MYT1L: variants seen among roughly 807,000 people sequenced by gnomAD.
The protein encoded by MYT1L is myelin transcription factor 1-like protein.
In MYT1L, 12 loss-of-function variants were observed where a neutral mutation model predicts 126.7. That is an observed-to-expected ratio of 0.09 (90% confidence interval 0.06 to 0.15). MYT1L has a LOEUF of 0.15. Ranked by LOEUF, MYT1L falls within the 10% of genes least tolerant of loss-of-function variation. The pLI, the probability that MYT1L is intolerant of heterozygous loss-of-function variation, is 1.00. For synonymous variants in MYT1L, 541 were observed against 604.2 expected, an observed-to-expected ratio of 0.90 and a Z score of 1.53; for missense variants, 979 against 1,585.2, an observed-to-expected ratio of 0.62 and a Z score of 6.49.
intron 19 of MYT1L, among the ~76,000 whole-genome samples, chr2:1,847,328 CG>C (rs2042635097): frequency 6.6e-6 from 1 of 152,166 alleles, no homozygotes; most frequent in African/African-American, 2.4e-5. Flanking sequence ...ATTCGGGAAC[CG>C]TAGAGGCCAC....
intron 18 of MYT1L, among the ~76,000 whole-genome samples, chr2:1,879,253 C>T (rs1214805683): frequency 6.6e-6 from 1 of 152,204 alleles, no homozygotes; most frequent in Non-Finnish European, 1.5e-5. Flanking sequence ...GGAGCATCTA[C>T]TTTATTTCCA....
intron 5 of MYT1L, among the ~76,000 whole-genome samples, chr2:1,996,166 C>T (rs759647431): frequency 2.6e-5 from 4 of 152,202 alleles, no homozygotes; most frequent in African/African-American, 4.8e-5. Flanking sequence ...GCTAGGAAAC[C>T]GGGCTAGGAG....
In MYT1L at chr2:1,981,129, T is replaced by A. The variant is rs150121027; in HGVS notation, c.1-1352A>T. Among the ~76,000 whole-genome samples the A allele has an allele frequency of 1.2e-4, 18 of 152,232 alleles. No homozygotes were observed. The East Asian group carries it at 3.3e-3, about 28-fold the overall frequency. On this transcript the variant is annotated intron_variant, in intron 5 of 24. Transcript: ENST00000647738. ...CTCAACAGGTACAGTATGAAAGGCA[T>A]CAGAAATCCACATGGACAGTGCCTG...
intron 4 of MYT1L, among the ~76,000 whole-genome samples, chr2:2,050,794 G>A (rs550496489): frequency 3.3e-5 from 5 of 152,150 alleles, no homozygotes; most frequent in Admixed American, 6.5e-5. Flanking sequence ...CTGCTTTGCC[G>A]TGGCGGTGGT....
intron 18 of MYT1L, among the ~76,000 whole-genome samples, chr2:1,868,670 C>A (rs976971320): frequency 3.7e-4 from 57 of 152,282 alleles, no homozygotes; most frequent in African/African-American, 1.4e-3. Flanking sequence ...CTTCTCTGTG[C>A]CCCCCTTCTC....
At chr2:1,906,426 T>C (rs2051067402) in intron 13 of MYT1L, among the ~76,000 whole-genome samples, 1 of 152,234 alleles carries the variant, frequency 6.6e-6, no homozygotes, top group Non-Finnish European at 1.5e-5. Context: ...ATGTAGATAA[T>C]GTCTTTTTAC....
In MYT1L at chr2:1,929,281, T is replaced by C. The variant is rs1231227111; in HGVS notation, c.506-6018A>G. Among the ~76,000 whole-genome samples, 1 of 152,038 alleles carries C rather than the reference T, an allele frequency of 6.6e-6. No homozygotes were observed. Among genetic ancestry groups the C allele is most frequent in the African/African-American group, 2.4e-5 (1 of 41,404 alleles). ...CACAGGACATGGCCTGGCTCCGGGA[T>C]CAGCTATTCTCACTTCCAGCACGAG... On this transcript the variant is annotated intron_variant, in intron 9 of 24. Transcript: ENST00000647738. This position sits in a 1 kb window ranked among gnomAD's most constrained non-coding sequence, Gnocchi z 4.7.
chr2:1,798,702 C>T (rs965743983), intron 23 of MYT1L, among the ~76,000 whole-genome samples: 1 of 152,222 alleles, frequency 6.6e-6, no homozygotes, highest in African/African-American at 2.4e-5. Flanking sequence ...GTGTGCGGGC[C>T]TGAGAGGCAC....
At chr2:1,813,907 G>A (rs1415570507) in intron 21 of MYT1L, among the ~76,000 whole-genome samples, 2 of 122,482 alleles carry the variant, frequency 1.6e-5, no homozygotes, top group Non-Finnish European at 3.4e-5. Context: ...GGCGCCTGTA[G>A]TCCCAGCTAC....
intron 9 of MYT1L, among the ~76,000 whole-genome samples, chr2:1,937,359 A>C (rs975964968): frequency 1.3e-5 from 2 of 151,890 alleles, no homozygotes; most frequent in Non-Finnish European, 2.9e-5. Context: ...CAGATCGCAC[A>C]GCGAGAAGGC....
intron 3 of MYT1L, among the ~76,000 whole-genome samples, chr2:2,121,720 C>G (rs1281119280): frequency 6.6e-6 from 1 of 152,092 alleles, no homozygotes; most frequent in East Asian, 1.9e-4. Context: ...CTGCTGACCT[C>G]GTGATCCGCC....
chr2:1,925,273 T>G (rs937211210), intron 9 of MYT1L, among the ~76,000 whole-genome samples: 1 of 152,174 alleles, frequency 6.6e-6, no homozygotes, highest in African/African-American at 2.4e-5. Context: ...TTGAAAGTGG[T>G]GAACAAGGAA....
At chr2:2,075,047 G>A (rs1252164915) in intron 3 of MYT1L, among the ~76,000 whole-genome samples, 1 of 152,132 alleles carries the variant, frequency 6.6e-6, no homozygotes, top group Non-Finnish European at 1.5e-5. Context: ...ACGGGTAGTA[G>A]AGCTGGGTTT....
chr2:1,835,751 G>A (rs2040794640), intron 21 of MYT1L, among the ~76,000 whole-genome samples: 1 of 152,174 alleles, frequency 6.6e-6, no homozygotes, highest in African/African-American at 2.4e-5. Context: ...CCTCCTTGGA[G>A]GTCGCCGAAG....
At chr2:2,254,086 G>A (rs143407154) in intron 2 of MYT1L, among the ~76,000 whole-genome samples, 164 of 152,250 alleles carry the variant, frequency 1.1e-3, no homozygotes, top group African/African-American at 3.8e-3. Flanking sequence ...TGGCCGTGGC[G>A]TTACTCACAG....
intron 19 of MYT1L, among the ~76,000 whole-genome samples, chr2:1,850,278 T>C (rs2043098538): frequency 6.8e-6 from 1 of 147,170 alleles, no homozygotes; most frequent in South Asian, 2.2e-4. Flanking sequence ...TTCTTTTTTA[T>C]TGCAAGCAGT....
intron 2 of MYT1L, among the ~76,000 whole-genome samples, chr2:2,232,296 G>A (rs1572683542): frequency 1.3e-5 from 2 of 152,226 alleles, no homozygotes; most frequent in East Asian, 3.9e-4. Flanking sequence ...CCTCCAGCCG[G>A]GAGGCTTGGG....
At chr2:2,099,190 T>A (rs2077764131) in intron 3 of MYT1L, among the ~76,000 whole-genome samples, 1 of 152,186 alleles carries the variant, frequency 6.6e-6, no homozygotes, top group African/African-American at 2.4e-5. Context: ...AGTCCCAGAA[T>A]GTAAGTTGCT....
intron 4 of MYT1L, among the ~76,000 whole-genome samples, chr2:2,031,277 C>CTCAG (rs1358020171): frequency 6.6e-6 from 1 of 152,194 alleles, no homozygotes; most frequent in Non-Finnish European, 1.5e-5. Flanking sequence ...GGGAGAGGTG[C>CTCAG]TCAGGATGGA....
Sources: allele counts gnomAD v4.1 joint callset (sites outside exome capture counted in the v4.1 genomes callset), GRCh38; gene constraint gnomAD v4.1.1; non-coding constraint Gnocchi (gnomAD v3.1); transcripts MANE v1.5; gene names NCBI Gene and HGNC (gene_info 2026-07-23, HGNC 2026-07-21).